Variants in RASEF observed in about 807,000 individuals in gnomAD.
RASEF encodes the protein ras and EF-hand domain-containing protein.
In RASEF, 68 loss-of-function variants were observed where a neutral mutation model predicts 90.1. The ratio of observed to expected loss-of-function variants is 0.75; its 90% CI spans 0.62 to 0.92. The LOEUF is 0.92. RASEF is among the 40% of genes least tolerant of loss of function. The probability of loss-of-function intolerance (pLI) is 0.00; values close to 1 mark genes in which losing one functional copy is unlikely to be tolerated. For missense variants in RASEF, 949 were observed against 937.2 expected (o/e 1.01, Z -0.16); for synonymous variants, 331 against 345.2 (o/e 0.96, Z 0.46).
the RASEF span, among the ~76,000 whole-genome samples, chr9:83,176,261 C>T: frequency 6.6e-6 from 1 of 152,124 alleles, no homozygotes; most frequent in Non-Finnish European, 1.5e-5. Flanking sequence ...TTGCTGTCTA[C>T]TAATGTTTCT....
the RASEF span, among the ~76,000 whole-genome samples, chr9:83,159,501 C>A: frequency 9.0e-4 from 137 of 152,102 alleles, no homozygotes; most frequent in African/African-American, 1.4e-3. Context: ...CAAGGGAGAA[C>A]CTTAAAAAAT....
At chr9:83,181,999 G>A in the RASEF span, among the ~76,000 whole-genome samples, 1 of 152,156 alleles carries the variant, frequency 6.6e-6, no homozygotes, top group Admixed American at 6.5e-5. Flanking sequence ...CCCCTGCTCA[G>A]AACACTCCCT....
the RASEF span, among the ~76,000 whole-genome samples, chr9:83,195,508 A>C: frequency 6.6e-6 from 1 of 152,120 alleles, no homozygotes; most frequent in Admixed American, 6.5e-5. Flanking sequence ...TTCCTTATTC[A>C]ACAAATGCTT....
Position 83,007,567 on chromosome 9 carries a change from C to G in RASEF, c.960-62G>C, listed in dbSNP as rs1444632180. 5.9e-6 allele frequency: 7 copies of G among 1,178,150 alleles called. No individual in the cohort carries two copies. The African/African-American group carries it at 9.0e-5, about 15-fold the overall frequency. 73.0% of individuals were successfully genotyped at this position (1,178,150 alleles called of 1,614,324 possible). On this transcript the variant is annotated intron_variant, in intron 6 of 16. Coordinates refer to ENST00000376447, the MANE Select transcript of RASEF (RefSeq NM_152573.4). ...GTGTCAAGTCCTGCCTCACGTATAC[C>G]TACCCTCCCAGACCCTTTCCCACCT...
chr9:83,100,542 C>CCAT, the RASEF span, among the ~76,000 whole-genome samples: 11 of 152,142 alleles, frequency 7.2e-5, no homozygotes, highest in Admixed American at 2.6e-4. Flanking sequence ...GAAAATCAGC[C>CCAT]CATCTCATTG....
At chr9:83,112,695 A>G in the RASEF span, among the ~76,000 whole-genome samples, 1 of 152,188 alleles carries the variant, frequency 6.6e-6, no homozygotes, top group African/African-American at 2.4e-5. Context: ...CTCAAAAAAA[A>G]AAAAAGTATG....
At chr9:82,985,280 A>G (rs116279576) in intron 16 of RASEF, among the ~76,000 whole-genome samples, 89 of 152,322 alleles carry the variant, frequency 5.8e-4, no homozygotes, top group African/African-American at 1.9e-3. Flanking sequence ...CACTTCTTAC[A>G]TGGTGGCAGC....
the RASEF span, among the ~76,000 whole-genome samples, chr9:83,145,576 T>C: frequency 6.6e-6 from 1 of 152,096 alleles, no homozygotes; most frequent in Non-Finnish European, 1.5e-5. Context: ...GTTGGTCTAT[T>C]GACAGAGCCT....
At chr9:83,144,399 A>G in the RASEF span, among the ~76,000 whole-genome samples, 16 of 141,374 alleles carry the variant, frequency 1.1e-4, no homozygotes, top group Middle Eastern at 3.5e-3. Context: ...AAGGAAAGAA[A>G]GAAAGAAAGA....
chr9:83,146,830 A>T, the RASEF span, among the ~76,000 whole-genome samples: 1 of 152,124 alleles, frequency 6.6e-6, no homozygotes, highest in African/African-American at 2.4e-5. Flanking sequence ...GAGCAGACAG[A>T]GCCCCCAGCA....
the RASEF span, among the ~76,000 whole-genome samples, chr9:83,131,391 T>C: frequency 1.3e-5 from 2 of 152,178 alleles, no homozygotes; most frequent in Non-Finnish European, 2.9e-5. Context: ...AAAGGCAGAC[T>C]TGAGGACAGT....
chr9:83,092,013 T>C, the RASEF span, among the ~76,000 whole-genome samples: 1 of 134,824 alleles, frequency 7.4e-6, no homozygotes, highest in Non-Finnish European at 1.5e-5. Context: ...CTTTTTTTTT[T>C]TTTTTTTTTT....
At chr9:83,078,228 G>A in the RASEF span, among the ~76,000 whole-genome samples, 7 of 152,200 alleles carry the variant, frequency 4.6e-5, no homozygotes, top group Admixed American at 1.3e-4. Flanking sequence ...GTTTGCAGCT[G>A]TCAAAGTAAA....
chr9:83,000,221 GAAACTAGACTTCCCCACTGC>G lies in RASEF; in HGVS notation c.1651_1670del (p.Ala551ProfsTer8). 6.2e-7 allele frequency: 1 copy of G among 1,614,026 alleles called. No homozygotes were observed. Among genetic ancestry groups the G allele is most frequent in the Non-Finnish European group, 8.5e-7 (1 of 1,179,958 alleles). On this transcript the variant is annotated frameshift_variant, in exon 12 of 17. Transcript: ENST00000376447. LOFTEE classifies it high-confidence loss of function. The stretch of plus-strand genomic sequence containing the variant: ...ATTCATTCTTGCAAAGTCTCATGAG[GAAACTAGACTTCCCCACTGC>G]AGCGTCCCCAGCAAGTACAATCTTG...
At chr9:83,095,059 C>A in the RASEF span, among the ~76,000 whole-genome samples, 1 of 152,016 alleles carries the variant, frequency 6.6e-6, no homozygotes, top group Non-Finnish European at 1.5e-5. Context: ...GCAATTAGGA[C>A]CCTTATGGTT....
At chr9:83,208,197 C>T in the RASEF span, among the ~76,000 whole-genome samples, 1 of 152,128 alleles carries the variant, frequency 6.6e-6, no homozygotes, top group Non-Finnish European at 1.5e-5. Flanking sequence ...CTTGGGCGTC[C>T]CTGCAGGCTG....
chr9:83,112,422 C>T, the RASEF span, among the ~76,000 whole-genome samples: 206 of 152,308 alleles, frequency 1.4e-3, no homozygotes, highest in African/African-American at 4.3e-3. Flanking sequence ...CGGCGGCTCA[C>T]GCCTGTAATC....
the RASEF span, among the ~76,000 whole-genome samples, chr9:83,159,700 T>A: frequency 1.3e-5 from 2 of 152,268 alleles, no homozygotes; most frequent in Admixed American, 6.5e-5. Flanking sequence ...TTTGAAAAAA[T>A]TTTCAAAATA....
At chr9:83,074,408 T>G in the RASEF span, among the ~76,000 whole-genome samples, 1 of 151,260 alleles carries the variant, frequency 6.6e-6, no homozygotes, top group South Asian at 2.1e-4. Flanking sequence ...TGTCTGTGTT[T>G]AGTGAGGGGA....
Sources: allele counts gnomAD v4.1 joint callset (sites outside exome capture counted in the v4.1 genomes callset), GRCh38; gene constraint gnomAD v4.1.1; transcripts MANE v1.5; gene names NCBI Gene and HGNC (gene_info 2026-07-23, HGNC 2026-07-21).